KHDRBS2: variants seen among roughly 807,000 people sequenced by gnomAD.
KHDRBS2 encodes the protein KH RNA binding domain containing, signal transduction associated 2, also known as KH domain-containing, RNA-binding, signal transduction-associated protein 2.
A neutral mutation model predicts 44.3 loss-of-function variants in KHDRBS2; 26 were observed. The ratio of observed to expected loss-of-function variants is 0.59; its 90% CI spans 0.43 to 0.81. KHDRBS2 has a LOEUF of 0.81. Among genes scored for constraint, KHDRBS2 ranks in the 40% least tolerant of loss-of-function variants. KHDRBS2 has a pLI of 0.00. For synonymous variants in KHDRBS2, 194 were observed against 151.1 expected, an observed-to-expected ratio of 1.28 and a Z score of -2.08; for missense variants, 476 against 433.1, an observed-to-expected ratio of 1.10 and a Z score of -0.88.
the KHDRBS2 span, among the ~76,000 whole-genome samples, chr6:61,558,114 T>C: frequency 6.6e-6 from 1 of 152,200 alleles, no homozygotes; most frequent in Non-Finnish European, 1.5e-5. Flanking sequence ...TTTCCTTTAT[T>C]TCAATTTCAT....
chr6:62,235,343 T>C (rs1013679177), intron 1 of KHDRBS2, among the ~76,000 whole-genome samples: 1 of 152,014 alleles, frequency 6.6e-6, no homozygotes, highest in Non-Finnish European at 1.5e-5. Flanking sequence ...ATAGACACTT[T>C]CTTCTGCCAC....
At chr6:62,193,831 A>G (rs545603745) in intron 1 of KHDRBS2, among the ~76,000 whole-genome samples, 2 of 152,236 alleles carry the variant, frequency 1.3e-5, no homozygotes, top group African/African-American at 4.8e-5. Flanking sequence ...ATAACCAATG[A>G]AGTTGAGCAC....
chr6:62,096,420 A>T (rs1216749641), intron 2 of KHDRBS2, among the ~76,000 whole-genome samples: 1 of 151,662 alleles, frequency 6.6e-6, no homozygotes, highest in Non-Finnish European at 1.5e-5. Flanking sequence ...GTCTTATAAG[A>T]TTATCTATTT....
In KHDRBS2 at chr6:61,760,885, T is replaced by C. The variant is rs1779172966; in HGVS notation, c.811-28121A>G. Among the ~76,000 whole-genome samples the C allele has an allele frequency of 2.0e-5, 3 of 152,198 alleles. No homozygotes were observed. The South Asian group carries it at 6.2e-4, about 31-fold the overall frequency. On this transcript the variant is annotated intron_variant, in intron 6 of 8. Coordinates refer to ENST00000281156, the MANE Select transcript of KHDRBS2 (RefSeq NM_152688.4). Reference sequence around the variant, plus strand: ...CACATTTGGAAATGTCATGAAGAAATGCTTGAACAGTTTTGAAATTTTCTT... The same window carrying C: ...CACATTTGGAAATGTCATGAAGAAACGCTTGAACAGTTTTGAAATTTTCTT...
At chr6:61,777,598 C>T (rs1582788838) in intron 6 of KHDRBS2, among the ~76,000 whole-genome samples, 2 of 152,090 alleles carry the variant, frequency 1.3e-5, no homozygotes, top group Admixed American at 1.3e-4. Flanking sequence ...AGTGACACAA[C>T]AATGGAAGCC....
intron 2 of KHDRBS2, among the ~76,000 whole-genome samples, chr6:62,095,638 CTG>C (rs1800426832): frequency 6.6e-6 from 1 of 151,824 alleles, no homozygotes; most frequent in South Asian, 2.1e-4. Flanking sequence ...GGACATATAA[CTG>C]TATATGATCA....
chr6:62,006,487 T>C (rs921089989), intron 3 of KHDRBS2, among the ~76,000 whole-genome samples: 6 of 151,984 alleles, frequency 3.9e-5, no homozygotes, highest in African/African-American at 1.4e-4. Flanking sequence ...AAGAAATTCA[T>C]AAGCACAGTG....
At chr6:61,928,872 G>A (rs1809475299) in intron 4 of KHDRBS2, among the ~76,000 whole-genome samples, 1 of 151,918 alleles carries the variant, frequency 6.6e-6, no homozygotes, top group Non-Finnish European at 1.5e-5. Context: ...AACTAGGATT[G>A]TTTGTTATAC....
intron 6 of KHDRBS2, among the ~76,000 whole-genome samples, chr6:61,864,888 T>C (rs1014393710): frequency 6.0e-4 from 91 of 152,236 alleles, no homozygotes; most frequent in African/African-American, 2.1e-3. Context: ...CATTCTTGAT[T>C]GGTGTCTCTT....
chr6:61,737,327 G>A (rs1244423713), intron 6 of KHDRBS2, among the ~76,000 whole-genome samples: 2 of 151,992 alleles, frequency 1.3e-5, no homozygotes, highest in South Asian at 2.1e-4. Flanking sequence ...TGTACTTACT[G>A]TAAAAGGGAC....
intron 3 of KHDRBS2, among the ~76,000 whole-genome samples, chr6:62,012,466 G>A (rs1780480468): frequency 6.6e-6 from 1 of 152,082 alleles, no homozygotes. Flanking sequence ...TTCACTTCAA[G>A]TCCTTTCTAT....
At chr6:61,591,919 G>A in the KHDRBS2 span, among the ~76,000 whole-genome samples, 1 of 152,140 alleles carries the variant, frequency 6.6e-6, no homozygotes, top group African/African-American at 2.4e-5. Flanking sequence ...AGGTGTGGTG[G>A]CTGACAACTA....
rs181686338 is a variant in KHDRBS2 at position 62,215,569 on chromosome 6, C to T, written c.92-38257G>A. On this transcript the variant is annotated intron_variant, in intron 1 of 8. Coordinates refer to ENST00000281156, the MANE Select transcript of KHDRBS2 (RefSeq NM_152688.4). ...CAGCCCCAACCACAATAAAAAAATA[C>T]GCCTTTTAAAAATAATACATATAAT... Among the ~76,000 whole-genome samples the T allele has an allele frequency of 4.0e-5, 6 of 151,808 alleles. No homozygotes were observed. In the East Asian group the frequency reaches 5.8e-4, roughly 15 times the overall value.
intron 6 of KHDRBS2, among the ~76,000 whole-genome samples, chr6:61,868,318 A>AG (rs1798078719): frequency 6.6e-6 from 1 of 152,170 alleles, no homozygotes; most frequent in African/African-American, 2.4e-5. Context: ...CAAACAGCAA[A>AG]GGTGGCAGAC....
At chr6:61,631,903 C>A in the KHDRBS2 span, among the ~76,000 whole-genome samples, 1 of 152,042 alleles carries the variant, frequency 6.6e-6, no homozygotes, top group South Asian at 2.1e-4. Context: ...AACTATAAAT[C>A]AATCCGCAAG....
At chr6:62,081,444 CAG>C (rs1438085676) in intron 2 of KHDRBS2, among the ~76,000 whole-genome samples, 3 of 152,082 alleles carry the variant, frequency 2.0e-5, no homozygotes, top group Admixed American at 1.3e-4. Flanking sequence ...TGTGTCTAAA[CAG>C]AGAGTGAGTT....
the KHDRBS2 span, among the ~76,000 whole-genome samples, chr6:61,556,181 G>A: frequency 1.3e-5 from 2 of 152,164 alleles, no homozygotes; most frequent in Non-Finnish European, 2.9e-5. Context: ...GGCAGTGCAG[G>A]GGCATGGTGC....
chr6:61,771,066 T>A lies in KHDRBS2; in HGVS notation c.811-38302A>T, dbSNP rs373516174. Among the ~76,000 whole-genome samples the A allele has an allele frequency of 4.0e-5, 6 of 151,760 alleles. No individual in the cohort carries two copies. In the South Asian group the frequency reaches 8.3e-4, roughly 21 times the overall value. On this transcript the variant is annotated intron_variant, in intron 6 of 8. Coordinates refer to ENST00000281156, the MANE Select transcript of KHDRBS2 (RefSeq NM_152688.4). The stretch of plus-strand genomic sequence containing the variant: ...TAAAGAAAAGAATTTTCAACCCAGA[T>A]TTTCATATCCAGCCAAACTAAGCTT...
chr6:61,680,806 G>A lies in KHDRBS2; in HGVS notation c.*157C>T. 3.5e-6 allele frequency: 2 copies of A among 571,350 alleles called. No individual in the cohort carries two copies. Among genetic ancestry groups the A allele is most frequent in the African/African-American group, 1.9e-5 (1 of 53,032 alleles). The allele number at this position is 571,350 out of a possible 1,614,324, so 35.4% of individuals were successfully genotyped here. ...TCAATGTCACGCCAACAGTACAGAG[G>A]GAAATACTAGAAATATATGGGAGTA... On this transcript the variant is annotated 3_prime_UTR_variant, in exon 9 of 9. Transcript: ENST00000281156.
Sources: gnomAD v4.1 joint callset for allele counts (sites outside exome capture counted in the v4.1 genomes callset) on GRCh38, gnomAD v4.1.1 for gene constraint, MANE v1.5 for transcripts, NCBI Gene and HGNC (gene_info 2026-07-23, HGNC 2026-07-21) for gene names.